The following ATRNL1 variants were observed in gnomAD, a reference collection of about 807,000 sequenced individuals.
The protein encoded by ATRNL1 is attractin like 1, also known as attractin-like protein 1.
A neutral mutation model predicts 182.7 loss-of-function variants in ATRNL1; 95 were observed. The observed-to-expected ratio is 0.52, with a 90% CI of 0.44 to 0.62. The LOEUF is 0.62. Ranked by LOEUF, ATRNL1 falls within the 20% of genes least tolerant of loss-of-function variation. ATRNL1 has a pLI of 0.00. For missense variants in ATRNL1, 1,471 were observed against 1,679.5 expected, an observed-to-expected ratio of 0.88 and a Z score of 2.17; for synonymous variants, 576 against 568.3, an observed-to-expected ratio of 1.01 and a Z score of -0.19.
At chr10:115,905,345 C>T (rs781866531) in intron 28 of ATRNL1, among the ~76,000 whole-genome samples, 4 of 151,834 alleles carry the variant, frequency 2.6e-5, no homozygotes, top group Non-Finnish European at 5.9e-5. Flanking sequence ...CTCAGCCTCC[C>T]GAGTAGCTGG....
intron 10 of ATRNL1, among the ~76,000 whole-genome samples, chr10:115,261,395 T>C (rs1201743480): frequency 6.6e-6 from 1 of 152,152 alleles, no homozygotes; most frequent in East Asian, 1.9e-4. Flanking sequence ...AGAAATGGAA[T>C]ATATAACAGG....
chr10:115,464,459 A>G (rs916140008), intron 22 of ATRNL1, among the ~76,000 whole-genome samples: 5 of 151,970 alleles, frequency 3.3e-5, no homozygotes, highest in Non-Finnish European at 7.4e-5. Context: ...CTAACAAACA[A>G]TGTTCTAAAT....
intron 21 of ATRNL1, among the ~76,000 whole-genome samples, chr10:115,430,077 C>A (rs1402499387): frequency 6.6e-6 from 1 of 152,034 alleles, no homozygotes; most frequent in Non-Finnish European, 1.5e-5. Flanking sequence ...TCTCAAAAAA[C>A]AACAACAAAA....
intron 21 of ATRNL1, among the ~76,000 whole-genome samples, chr10:115,455,277 T>C (rs1847466283): frequency 6.6e-6 from 1 of 151,906 alleles, no homozygotes; most frequent in Non-Finnish European, 1.5e-5. Flanking sequence ...AATGTGTTGT[T>C]GAACTTGGCT....
At chr10:115,110,953 T>G (rs2143528054) in intron 1 of ATRNL1, among the ~76,000 whole-genome samples, 1 of 152,332 alleles carries the variant, frequency 6.6e-6, no homozygotes, top group Non-Finnish European at 1.5e-5. Flanking sequence ...GCTGTCTGGA[T>G]CCACGAAAGG....
chr10:115,532,141 A>G (rs1158989571), intron 25 of ATRNL1, among the ~76,000 whole-genome samples: 4 of 152,008 alleles, frequency 2.6e-5, no homozygotes, highest in Admixed American at 6.6e-5. Flanking sequence ...TGAATTTTAA[A>G]GTAGTTTTTT....
chr10:115,573,941 C>A (rs1426353581), intron 26 of ATRNL1, among the ~76,000 whole-genome samples: 1 of 152,024 alleles, frequency 6.6e-6, no homozygotes, highest in African/African-American at 2.4e-5. Context: ...AGTTGAAAGA[C>A]AAAGCTGAAA....
intron 28 of ATRNL1, among the ~76,000 whole-genome samples, chr10:115,940,442 G>A (rs1215906245): frequency 1.3e-5 from 2 of 152,170 alleles, no homozygotes; most frequent in Non-Finnish European, 2.9e-5. Context: ...ATTATAGCTC[G>A]GTTTCCTGAG....
At chr10:115,106,688 C>T (rs992349560) in intron 1 of ATRNL1, among the ~76,000 whole-genome samples, 5 of 152,132 alleles carry the variant, frequency 3.3e-5, no homozygotes, top group African/African-American at 1.2e-4. Context: ...TCTGCTTTTG[C>T]TTCTTCCTCA....
intron 26 of ATRNL1, among the ~76,000 whole-genome samples, chr10:115,709,669 A>C (rs1447838879): frequency 3.9e-5 from 6 of 151,984 alleles, no homozygotes; most frequent in Non-Finnish European, 8.8e-5. Flanking sequence ...TTATAGTATA[A>C]AGAAGAAGGA....
At chr10:115,675,621 T>G (rs1945836237) in intron 26 of ATRNL1, among the ~76,000 whole-genome samples, 1 of 152,064 alleles carries the variant, frequency 6.6e-6, no homozygotes, top group Admixed American at 6.6e-5. Context: ...TTTTATTCAC[T>G]GCAGTTATTT....
intron 8 of ATRNL1, among the ~76,000 whole-genome samples, chr10:115,197,824 G>A (rs547476546): frequency 2.6e-5 from 4 of 152,242 alleles, no homozygotes; most frequent in Middle Eastern, 3.4e-3. Context: ...GAGCCCGCAC[G>A]TAAGTGGGCT....
chr10:115,856,434 A>AAAAAAAAAAAATAAAT (rs2134379643), intron 28 of ATRNL1, among the ~76,000 whole-genome samples: 1 of 142,622 alleles, frequency 7.0e-6, no homozygotes, highest in East Asian at 2.1e-4. Context: ...ATCTCAAAAA[A>AAAAAAAAAAAATAAAT]AAAAAAAAAA....
intron 27 of ATRNL1, among the ~76,000 whole-genome samples, chr10:115,824,499 A>G (rs1181873087): frequency 6.6e-6 from 1 of 152,148 alleles, no homozygotes; most frequent in Non-Finnish European, 1.5e-5. Flanking sequence ...GCAACCTACA[A>G]AAATGGGAGA....
intron 19 of ATRNL1, among the ~76,000 whole-genome samples, chr10:115,368,840 A>C (rs1321611064): frequency 6.6e-6 from 1 of 151,448 alleles, no homozygotes; most frequent in Non-Finnish European, 1.5e-5. Flanking sequence ...GAGCCTCCTG[A>C]GTAGCTGAGA....
chr10:115,637,623 A>ATTATTATT (rs1858967985), intron 26 of ATRNL1, among the ~76,000 whole-genome samples: 1 of 147,698 alleles, frequency 6.8e-6, no homozygotes, highest in African/African-American at 2.5e-5. Context: ...TATTATTATT[A>ATTATTATT]TTATTATTAT....
At chr10:115,895,920 T>C (rs1166610162) in intron 28 of ATRNL1, among the ~76,000 whole-genome samples, 2 of 152,076 alleles carry the variant, frequency 1.3e-5, no homozygotes, top group Non-Finnish European at 2.9e-5. Flanking sequence ...AAAGAACATA[T>C]ATGAATGTGG....
chr10:115,233,964 T>C (rs1434478881), intron 9 of ATRNL1, among the ~76,000 whole-genome samples: 1 of 152,062 alleles, frequency 6.6e-6, no homozygotes, highest in Non-Finnish European at 1.5e-5. Context: ...GTCAGCTCTT[T>C]GGTGGTGTTA....
In ATRNL1 at chr10:115,899,499, G is replaced by A. The variant is rs190679730; in HGVS notation, c.4019-45159G>A. On this transcript the variant is annotated intron_variant, in intron 28 of 28. Transcript: ENST00000355044. ...AATTTTGTATTTTTAGTAGAGATGG[G>A]GTTCCTCCATGTTGGCCAGGCTGGT... 8.5e-5 allele frequency among the ~76,000 whole-genome samples: 13 copies of A among 152,164 alleles called. 1 individual carries two copies. Among genetic ancestry groups the A allele is most frequent in the African/African-American group, 2.6e-4 (11 of 41,518 alleles).
Sources: allele counts gnomAD v4.1 joint callset (sites outside exome capture counted in the v4.1 genomes callset), GRCh38; gene constraint gnomAD v4.1.1; transcripts MANE v1.5; gene names NCBI Gene and HGNC (gene_info 2026-07-23, HGNC 2026-07-21).